Variants in DENND6A observed in about 807,000 individuals in gnomAD.
DENND6A encodes protein DENND6A.
A neutral mutation model predicts 95.5 loss-of-function variants in DENND6A; 43 were observed. The ratio of observed to expected loss-of-function variants is 0.45; its 90% CI spans 0.35 to 0.58. The LOEUF (loss-of-function observed/expected upper bound fraction) is 0.58, where lower values mean the gene tolerates loss of function less well. Ranked by LOEUF, DENND6A falls within the 20% of genes least tolerant of loss-of-function variation. DENND6A has a pLI of 0.00. For missense variants in DENND6A, 574 were observed against 736.0 expected (o/e 0.78, Z 2.55); for synonymous variants, 257 against 260.4 (o/e 0.99, Z 0.13).
chr3:57,654,645 T>A, intron 9 of DENND6A: 1 of 985,226 alleles, frequency 1.0e-6, no homozygotes, highest in Non-Finnish European at 1.2e-6. Flanking sequence ...TCAATTCTAA[T>A]CTCACCTCAA....
intron 1 of DENND6A, 80 bp from the exon 2 acceptor site, chr3:57,672,518 C>T (rs1199032543): frequency 2.8e-6 from 4 of 1,432,664 alleles, no homozygotes; most frequent in Admixed American, 3.6e-5. Context: ...CACGGTGGCT[C>T]ACGCTGGTAA....
chr3:57,644,787 TGGGGAGGGGAGGGGTGGGGAGGGGA>T (rs1559811065), intron 11 of DENND6A, among the ~76,000 whole-genome samples: 1 of 932 alleles, frequency 1.1e-3, no homozygotes, highest in Non-Finnish European at 2.0e-3. Flanking sequence ...AGGGGAGGGG[TGGGGAGGGGAGGGGTGGGGAGGGGA>T]GGGGAGGGGG....
At chr3:57,676,375 TA>T (rs35465829) in intron 1 of DENND6A, among the ~76,000 whole-genome samples, 1,552 of 87,340 alleles carry the variant, frequency 0.018, 23 homozygotes, top group African/African-American at 0.057. Flanking sequence ...TAAGATTATT[TA>T]AAAAAAAAAA....
chr3:57,681,991 C>T (rs111398109), intron 1 of DENND6A, among the ~76,000 whole-genome samples: 4 of 152,084 alleles, frequency 2.6e-5, no homozygotes, highest in African/African-American at 9.6e-5. Context: ...ATGTGAATAC[C>T]TGAATTTTTA....
intron 1 of DENND6A, among the ~76,000 whole-genome samples, chr3:57,682,981 T>G (rs1466155201): frequency 6.6e-6 from 1 of 152,192 alleles, no homozygotes. Context: ...CCTGGCCGAC[T>G]ATATGCTCTT....
At chr3:57,692,740 C>T in intron 1 of DENND6A, 42 bp downstream of exon 1, 1 of 1,400,340 alleles carries the variant, frequency 7.1e-7, no homozygotes, top group Non-Finnish European at 9.3e-7. Context: ...GCCGCCCCGG[C>T]GCAGGGGAGG....
chr3:57,689,946 CAT>C (rs2077245658), intron 1 of DENND6A, among the ~76,000 whole-genome samples: 1 of 151,042 alleles, frequency 6.6e-6, no homozygotes, highest in Non-Finnish European at 1.5e-5. Flanking sequence ...TGTCTGTATT[CAT>C]AGATACTCAG....
chr3:57,628,360 T>C lies in DENND6A; in HGVS notation c.1696-15A>G. On this transcript the variant is annotated splice_polypyrimidine_tract_variant and intron_variant, in intron 19 of 19. Coordinates refer to ENST00000311128, the MANE Select transcript of DENND6A (RefSeq NM_152678.3). ...TCAGCCTGCAACTACATAAGGAACA[T>C]TTCATAACATTTAAATTATCCTCAG... The C allele has an allele frequency of 5.6e-6, 9 of 1,610,334 alleles. No homozygotes were observed. Among genetic ancestry groups the C allele is most frequent in the Non-Finnish European group, 7.6e-6 (9 of 1,178,732 alleles).
chr3:57,665,746 C>T (rs368521683), intron 4 of DENND6A, among the ~76,000 whole-genome samples: 14 of 152,002 alleles, frequency 9.2e-5, no homozygotes, highest in African/African-American at 3.1e-4. Flanking sequence ...TAAAACAAGG[C>T]TCATTCAAAA....
chr3:57,642,130 T>C (rs1054417707), intron 11 of DENND6A, among the ~76,000 whole-genome samples: 1 of 151,630 alleles, frequency 6.6e-6, no homozygotes, highest in Non-Finnish European at 1.5e-5. Context: ...CTGGCCAACA[T>C]GGTGAAACCC....
chr3:57,672,534 G>A, intron 1 of DENND6A, 96 bp from the exon 2 acceptor site: 1 of 1,297,676 alleles, frequency 7.7e-7, no homozygotes, highest in South Asian at 1.3e-5. Flanking sequence ...GGTAATCCCA[G>A]CACTTTGGGA....
chr3:57,647,394 G>A (rs895582328), intron 9 of DENND6A, among the ~76,000 whole-genome samples: 4 of 152,144 alleles, frequency 2.6e-5, no homozygotes, highest in Non-Finnish European at 5.9e-5. Flanking sequence ...AGGTATCTCT[G>A]CCATGAGGGA....
In DENND6A at chr3:57,628,842, A is replaced by G. The variant is rs774068379; in HGVS notation, c.1664T>C (p.Val555Ala). Reference protein sequence around the residue: ...WIQKHTEVETVDLVLKLKNKL... With the variant: ...WIQKHTEVETADLVLKLKNKL... The stretch of plus-strand genomic sequence containing the variant: ...ATTTTTCAGCTTCAAGACAAGGTCT[A>G]CTGTTTCTACTTCTGTGTGTTTCTG... The change falls in exon 19 of 20, where the codon GTA (valine) becomes GCA (alanine). Residue 555 changes from valine to alanine, a missense_variant. Transcript: ENST00000311128. The G allele has an allele frequency of 1.6e-5, 25 of 1,612,896 alleles. No homozygotes were observed. Among genetic ancestry groups the G allele is most frequent in the South Asian group, 2.2e-5 (2 of 90,834 alleles).
At chr3:57,667,490 G>C (rs527883630) in intron 3 of DENND6A, among the ~76,000 whole-genome samples, 1 of 152,246 alleles carries the variant, frequency 6.6e-6, no homozygotes, top group Non-Finnish European at 1.5e-5. Flanking sequence ...TACAAACATA[G>C]CTACAGAGTG....
Position 57,690,636 on chromosome 3 carries a change from A to G in DENND6A, c.237+2146T>C, listed in dbSNP as rs181704573. ...GAGGTGGAGGTTGCAGTGAGCCGAAATTACACCACTGCACTCCAGCCTGGC... is the reference window on the plus strand; with the variant it reads ...GAGGTGGAGGTTGCAGTGAGCCGAAGTTACACCACTGCACTCCAGCCTGGC... On this transcript the variant is annotated intron_variant, in intron 1 of 19. Transcript: ENST00000311128. 2.7e-3 allele frequency among the ~76,000 whole-genome samples: 412 copies of G among 151,916 alleles called. 1 individual carries two copies. Among genetic ancestry groups the G allele is most frequent in the African/African-American group, 9.5e-3 (395 of 41,498 alleles).
intron 5 of DENND6A, among the ~76,000 whole-genome samples, 173 bp downstream of exon 5, chr3:57,663,463 C>CAAAAAA (rs1189672713): frequency 5.6e-4 from 29 of 51,942 alleles, no homozygotes; most frequent in Admixed American, 1.7e-3. Flanking sequence ...GACTCCACCT[C>CAAAAAA]AAAAAAAAAA....
intron 1 of DENND6A, among the ~76,000 whole-genome samples, chr3:57,691,108 G>A (rs779061203): frequency 6.6e-6 from 1 of 152,170 alleles, no homozygotes; most frequent in Non-Finnish European, 1.5e-5. Context: ...TATAAAGAAT[G>A]TCCCAAATAA....
intron 1 of DENND6A, among the ~76,000 whole-genome samples, chr3:57,676,770 T>C (rs2153416788): frequency 6.6e-6 from 1 of 152,324 alleles, no homozygotes; most frequent in African/African-American, 2.4e-5. Context: ...TAACATTTTA[T>C]GGGCTTTTTC....
chr3:57,632,289 G>T (rs968440927), intron 15 of DENND6A, among the ~76,000 whole-genome samples: 1 of 151,844 alleles, frequency 6.6e-6, no homozygotes, highest in Non-Finnish European at 1.5e-5. Flanking sequence ...CTCCAAAAGT[G>T]CTGGGATTAC....
Sources: allele counts gnomAD v4.1 joint callset (sites outside exome capture counted in the v4.1 genomes callset), GRCh38; gene constraint gnomAD v4.1.1; transcripts MANE v1.5; gene names NCBI Gene and HGNC (gene_info 2026-07-23, HGNC 2026-07-21).